Variants in ESRRB observed in about 807,000 individuals in gnomAD.
ESRRB encodes estrogen related receptor beta, also known as steroid hormone receptor ERR2.
Under a neutral mutation model 46.0 loss-of-function variants are expected in ESRRB, and 16 were observed. The ratio of observed to expected loss-of-function variants is 0.35; its 90% CI spans 0.24 to 0.53. The LOEUF is 0.53. Among genes scored for constraint, ESRRB ranks in the 20% least tolerant of loss-of-function variants. ESRRB has a pLI of 0.93. For synonymous variants in ESRRB, 246 were observed against 259.6 expected (o/e 0.95, Z 0.50); for missense variants, 488 against 607.4 (o/e 0.80, Z 2.07).
At chr14:76,391,426 T>C (rs1434273914) in intron 1 of ESRRB, among the ~76,000 whole-genome samples, 1 of 152,222 alleles carries the variant, frequency 6.6e-6, no homozygotes, top group African/African-American at 2.4e-5. Flanking sequence ...GCAAGTGCAC[T>C]ACAAGCCCAC....
chr14:76,421,740 GA>G (rs1886963980), intron 1 of ESRRB, among the ~76,000 whole-genome samples: 1 of 152,162 alleles, frequency 6.6e-6, no homozygotes, highest in Non-Finnish European at 1.5e-5. Context: ...CCTGCAGCCG[GA>G]ATTCCTGCCT....
intron 1 of ESRRB, among the ~76,000 whole-genome samples, chr14:76,432,786 C>T (rs1436444136): frequency 7.8e-6 from 1 of 128,410 alleles, no homozygotes; most frequent in Non-Finnish European, 1.6e-5. Flanking sequence ...AGTGATTCTC[C>T]TGCTTCAGCC....
chr14:76,456,078 A>ACACACACAC (rs1566908051), intron 2 of ESRRB, among the ~76,000 whole-genome samples: 4 of 141,740 alleles, frequency 2.8e-5, no homozygotes, highest in African/African-American at 7.9e-5. Context: ...ACACACACAC[A>ACACACACAC]AAAGAAAGAA....
intron 1 of ESRRB, among the ~76,000 whole-genome samples, chr14:76,432,633 T>C (rs1398984013): frequency 7.9e-6 from 1 of 126,744 alleles, no homozygotes; most frequent in African/African-American, 3.6e-5. Context: ...CAGCCAACCT[T>C]CCCTCTCACT....
intron 1 of ESRRB, among the ~76,000 whole-genome samples, chr14:76,411,807 G>A (rs1250925157): frequency 6.6e-6 from 1 of 152,154 alleles, no homozygotes; most frequent in East Asian, 1.9e-4. Flanking sequence ...AGAAGCTTTC[G>A]TACATTGCTC....
In ESRRB at chr14:76,482,661, C is replaced by T; in HGVS notation, c.752C>T (p.Pro251Leu). ...GACAAGCTCTATGCCATGCCTCCCC[C>T]TGGTATGCCTGAGGGGGACATCAAG... The part of the protein sequence containing the change: ...EPDKLYAMPP[P>L]GMPEGDIKAL... Residue 251 changes from proline to leucine, a missense_variant, in exon 5 of 7, where the codon CCT becomes CTT. By Grantham distance (98) the Pro-to-Leu change is moderately conservative (BLOSUM62 -3). Transcript: ENST00000644823. The surrounding 1 kb of genome is among the most constrained non-coding windows in gnomAD (Gnocchi z 4.3). The T allele has an allele frequency of 6.2e-7, 1 of 1,614,196 alleles. No homozygotes were observed. The highest frequency in any genetic ancestry group is 1.1e-5 in the South Asian group (1 of 91,080).
intron 1 of ESRRB, among the ~76,000 whole-genome samples, chr14:76,357,796 A>G (rs1156257075): frequency 6.6e-6 from 1 of 152,194 alleles, no homozygotes; most frequent in Middle Eastern, 3.2e-3. Context: ...GATTACAGGT[A>G]TGAGCCACAC....
In ESRRB at chr14:76,499,804, G is replaced by A; in HGVS notation, c.*1346G>A. The A allele has an allele frequency of 1.4e-6, 2 of 1,406,772 alleles. No homozygotes were observed. The highest frequency in any genetic ancestry group is 2.0e-6 in the Non-Finnish European group (2 of 990,986). 87.1% of individuals were successfully genotyped at this position (1,406,772 alleles called of 1,614,324 possible). On this transcript the variant is annotated 3_prime_UTR_variant, in exon 7 of 7. Coordinates refer to ENST00000644823, the MANE Select transcript of ESRRB (RefSeq NM_001379180.1). ...AGTGGGTCACTCTATTTCTGTGGAT[G>A]GCCGTGAAAGTTTTCACTAACTCAA...
intron 1 of ESRRB, among the ~76,000 whole-genome samples, chr14:76,385,400 C>T (rs1156431206): frequency 6.6e-6 from 1 of 152,196 alleles, no homozygotes; most frequent in East Asian, 1.9e-4. Flanking sequence ...TTGTTGGACC[C>T]TGAGTAAAAA....
chr14:76,463,628 T>C (rs911781343), intron 3 of ESRRB, among the ~76,000 whole-genome samples: 26 of 151,824 alleles, frequency 1.7e-4, no homozygotes, highest in African/African-American at 6.1e-4. Flanking sequence ...TTTGTATTTT[T>C]AGTAGAGACG....
chr14:76,333,981 C>T (rs34915164), intron 1 of ESRRB, among the ~76,000 whole-genome samples: 97,991 of 151,808 alleles, frequency 0.65, 31,908 homozygotes, highest in Middle Eastern at 0.74. Context: ...TTAGTTTCCC[C>T]ATCTGTAAAA....
intron 3 of ESRRB, among the ~76,000 whole-genome samples, chr14:76,469,928 TGTTTTTTTTTTTTTTC>T (rs1566603745): frequency 3.4e-4 from 44 of 130,316 alleles, no homozygotes; most frequent in African/African-American, 9.0e-4. Context: ...TGTTTTTTGT[TGTTTTTTTTTTTTTTC>T]TTTTTTTTTT....
chr14:76,493,240 T>C (rs916389875), intron 6 of ESRRB, among the ~76,000 whole-genome samples: 3 of 152,178 alleles, frequency 2.0e-5, no homozygotes, highest in Non-Finnish European at 4.4e-5. Context: ...CTGCAACCTC[T>C]GCCTCCCGGG....
intron 1 of ESRRB, among the ~76,000 whole-genome samples, chr14:76,336,568 C>A (rs1394426098): frequency 2.0e-5 from 3 of 152,186 alleles, no homozygotes; most frequent in African/African-American, 7.2e-5. Flanking sequence ...ATGGCTGGGA[C>A]CTCCTGCTTC....
At chr14:76,448,763 A>G (rs1322764242) in intron 2 of ESRRB, among the ~76,000 whole-genome samples, 1 of 150,136 alleles carries the variant, frequency 6.7e-6, no homozygotes, top group Non-Finnish European at 1.5e-5. Context: ...AGGGAGGACA[A>G]ACTGAAGAAG....
chr14:76,487,017 A>G (rs1028598006), intron 5 of ESRRB, among the ~76,000 whole-genome samples: 3 of 152,206 alleles, frequency 2.0e-5, no homozygotes, highest in African/African-American at 7.2e-5. Context: ...AGATGGGTCG[A>G]AATTAAGAGT....
At chr14:76,467,881 C>A (rs535953914) in intron 3 of ESRRB, among the ~76,000 whole-genome samples, 38 of 152,174 alleles carry the variant, frequency 2.5e-4, no homozygotes, top group Non-Finnish European at 3.4e-4. Flanking sequence ...CACCTCACCT[C>A]CCTCACGCGA....
chr14:76,390,587 G>C (rs1885427349), intron 1 of ESRRB, among the ~76,000 whole-genome samples: 1 of 152,214 alleles, frequency 6.6e-6, no homozygotes, highest in Non-Finnish European at 1.5e-5. Context: ...GTTCTTTTTA[G>C]TATTTCTTCT....
intron 1 of ESRRB, among the ~76,000 whole-genome samples, chr14:76,360,208 C>G (rs1286868695): frequency 6.6e-6 from 1 of 152,140 alleles, no homozygotes; most frequent in African/African-American, 2.4e-5. Flanking sequence ...TTGCTCTGCT[C>G]TGAGTCCAGC....
Sources: gnomAD v4.1 joint callset for allele counts (sites outside exome capture counted in the v4.1 genomes callset) on GRCh38, gnomAD v4.1.1 for gene constraint, Gnocchi (gnomAD v3.1) non-coding constraint, MANE v1.5 for transcripts, NCBI Gene and HGNC (gene_info 2026-07-23, HGNC 2026-07-21) for gene names.